ALS2: variants seen among roughly 807,000 people sequenced by gnomAD.
The protein encoded by ALS2 is alsin Rho guanine nucleotide exchange factor ALS2.
A neutral mutation model predicts 203.4 loss-of-function variants in ALS2; 117 were observed. That is an observed-to-expected ratio of 0.58 (90% CI 0.50 to 0.67). The LOEUF (loss-of-function observed/expected upper bound fraction) is 0.67. ALS2 is among the 30% of genes least tolerant of loss of function. The pLI is 0.00. For missense variants in ALS2, 1,715 were observed against 1,989.4 expected, an observed-to-expected ratio of 0.86 and a Z score of 2.62; for synonymous variants, 718 against 725.9, an observed-to-expected ratio of 0.99 and a Z score of 0.17.
chr2:201,727,018 C>T, intron 17 of ALS2, 152 bp from the exon 18 acceptor site: 1 of 878,068 alleles, frequency 1.1e-6, no homozygotes, highest in Non-Finnish European at 1.8e-6. Context: ...TTGTATTTCT[C>T]TGCTATATGT....
At chr2:201,750,540 G>C (rs1247126936) in intron 7 of ALS2, among the ~76,000 whole-genome samples, 1 of 152,100 alleles carries the variant, frequency 6.6e-6, no homozygotes, top group Non-Finnish European at 1.5e-5. Context: ...TTTCATACAT[G>C]AAGAGTTACT....
At chr2:201,744,871 A>C (rs999871725) in intron 9 of ALS2, among the ~76,000 whole-genome samples, 1 of 152,196 alleles carries the variant, frequency 6.6e-6, no homozygotes, top group African/African-American at 2.4e-5. Flanking sequence ...ACCAGGGAGG[A>C]TCTCTATGCT....
chr2:201,715,781 C>G lies in ALS2; in HGVS notation c.3895G>C (p.Glu1299Gln). The G allele has an allele frequency of 6.2e-7, 1 of 1,614,166 alleles. No individual in the cohort carries two copies. Among genetic ancestry groups the G allele is most frequent in the Non-Finnish European group, 8.5e-7 (1 of 1,180,018 alleles). Residue 1299 changes from glutamate (E) to glutamine (Q), a missense_variant, in exon 25 of 34, where the codon GAA becomes CAA. Transcript: ENST00000264276. ...TCACAGCCCAGTTGGCGCCAACATTCGTCAAACACCGCTTTCCACTTCTCA... is the reference window on the plus strand; with the variant it reads ...TCACAGCCCAGTTGGCGCCAACATTGGTCAAACACCGCTTTCCACTTCTCA... ...ADEKWKAVFD[E>Q]CWRQLGCEGP...
At chr2:201,746,823 A>G in intron 8 of ALS2, 75 bp from the exon 9 acceptor site, 1 of 1,542,948 alleles carries the variant, frequency 6.5e-7, no homozygotes, top group Non-Finnish European at 8.9e-7. Context: ...AGGAACTGAA[A>G]CGTTAGGTTG....
chr2:201,767,087 CATAATA>C, intron 3 of ALS2, 136 bp downstream of exon 3: 2 of 955,878 alleles, frequency 2.1e-6, no homozygotes, highest in Non-Finnish European at 3.1e-6. Context: ...AAACTTAAAG[CATAATA>C]ATAATAAAAT....
intron 3 of ALS2, among the ~76,000 whole-genome samples, chr2:201,762,500 G>T (rs543280576): frequency 6.6e-6 from 1 of 152,266 alleles, no homozygotes; most frequent in South Asian, 2.1e-4. Flanking sequence ...CCAGGTTTTG[G>T]AATATTTGCC....
At chr2:201,760,172 G>T in intron 4 of ALS2, 1 of 538,386 alleles carries the variant, frequency 1.9e-6, no homozygotes, top group Non-Finnish European at 2.4e-6. Context: ...AAATCAGCAG[G>T]TGTGGTGGCA....
At chr2:201,743,009 T>G (rs1319077923) in intron 10 of ALS2, among the ~76,000 whole-genome samples, 3 of 148,586 alleles carry the variant, frequency 2.0e-5, no homozygotes, top group Admixed American at 6.8e-5. Flanking sequence ...AGGTGAAGGT[T>G]GCAGTGAGCC....
chr2:201,701,650 C>A lies in ALS2; in HGVS notation c.*201G>T, dbSNP rs1427671368. The A allele has an allele frequency of 1.8e-6, 1 of 570,298 alleles. No homozygotes were observed. The highest frequency in any genetic ancestry group is 3.1e-6 in the Non-Finnish European group (1 of 317,568). 35.3% of individuals were successfully genotyped at this position (570,298 alleles called of 1,614,324 possible). Reference sequence around the variant, plus strand: ...TGGTCTAATCTGATTTTTTACCTCCCTTTCAATCCTCCCTTTAAACTATAC... The same window carrying A: ...TGGTCTAATCTGATTTTTTACCTCCATTTCAATCCTCCCTTTAAACTATAC... On this transcript the variant is annotated 3_prime_UTR_variant, in exon 34 of 34. Transcript: ENST00000264276.
chr2:201,767,486 A>T (rs1574800075), intron 2 of ALS2, 103 bp from the exon 3 acceptor site: 1 of 1,314,534 alleles, frequency 7.6e-7, no homozygotes, highest in East Asian at 2.5e-5. Context: ...CACATGGATG[A>T]CTAGGTCAGA....
At chr2:201,766,595 G>A (rs981738232) in intron 3 of ALS2, among the ~76,000 whole-genome samples, 2 of 151,406 alleles carry the variant, frequency 1.3e-5, no homozygotes, top group Non-Finnish European at 2.9e-5. Context: ...GTTGTGGTGA[G>A]CTGAGATTGC....
chr2:201,752,746 T>C (rs1280147581), intron 7 of ALS2, among the ~76,000 whole-genome samples: 1 of 152,208 alleles, frequency 6.6e-6, no homozygotes, highest in African/African-American at 2.4e-5. Context: ...GAGGTCACTT[T>C]CAGGTCCCAC....
chr2:201,713,700 G>C (rs1414941346), intron 25 of ALS2, among the ~76,000 whole-genome samples: 2 of 151,978 alleles, frequency 1.3e-5, no homozygotes, highest in African/African-American at 4.8e-5. Flanking sequence ...TGATACATTT[G>C]TTCTAATATT....
chr2:201,722,913 A>C, intron 23 of ALS2, 130 bp downstream of exon 23: 1 of 723,190 alleles, frequency 1.4e-6, no homozygotes, highest in Non-Finnish European at 2.3e-6. Context: ...AGCCATGTTG[A>C]CCAAAAATCA....
rs1231454213 is a variant in ALS2 at position 201,727,843 on chromosome 2, C to A, written c.2842-68G>T. The A allele has an allele frequency of 7.1e-6, 10 of 1,406,042 alleles. No individual in the cohort carries two copies. In the Admixed American group the frequency reaches 2.0e-4, roughly 28 times the overall value. The allele number at this position is 1,406,042 out of a possible 1,614,324, so 87.1% of individuals were successfully genotyped here. On this transcript the variant is annotated intron_variant, in intron 15 of 33. Transcript: ENST00000264276. ...AGACCTCGGGGACTCTGCCCATATC[C>A]CCTTCATGTCATTAACCCACATGGG... is the stretch of plus-strand genomic sequence containing the variant.
rs776802187 is a variant in ALS2 at position 201,711,073 on chromosome 2, A to C, written c.4040T>G (p.Leu1347Arg). The change falls in exon 26 of 34, where the codon CTA (leucine) becomes CGA (arginine). Residue 1347 changes from leucine to arginine, a missense_variant. Physicochemically the swap from Leu to Arg is moderately radical, Grantham distance 102. This residue lies in a region of ALS2 where 1,227 missense variants were observed against 1,413.5 expected (regional missense o/e 0.87). Transcript: ENST00000264276. The stretch of plus-strand genomic sequence containing the variant: ...CTGTGGAATGAATTCCAAACTCTCT[A>C]GTGTCTGAGTCTGTGAACGACTCAG... ...EILSRSQTQT[L>R]ESLEFIPQHV... is the part of the protein sequence containing the mutation. The C allele has an allele frequency of 6.2e-7, 1 of 1,611,866 alleles. No individual in the cohort carries two copies. Among genetic ancestry groups the C allele is most frequent in the South Asian group, 1.1e-5 (1 of 91,028 alleles).
chr2:201,727,911 C>T, intron 15 of ALS2, 136 bp from the exon 16 acceptor site: 1 of 863,042 alleles, frequency 1.2e-6, no homozygotes, highest in Non-Finnish European at 1.9e-6. Flanking sequence ...TAGTTAAGCC[C>T]ATGTAGGTGC....
intron 1 of ALS2, 109 bp from the exon 2 acceptor site, chr2:201,769,054 T>C: frequency 1.7e-6 from 1 of 576,092 alleles, no homozygotes; most frequent in Non-Finnish European, 3.0e-6. Flanking sequence ...AGGAAATAAA[T>C]ATGCAGTAAA....
At chr2:201,707,433 A>AT (rs1181057549) in intron 28 of ALS2, among the ~76,000 whole-genome samples, 131 of 142,676 alleles carry the variant, frequency 9.2e-4, no homozygotes, top group Admixed American at 1.6e-3. Flanking sequence ...ACCCAGCTAC[A>AT]TTTTTTTTTT....
Sources: gnomAD v4.1 joint callset for allele counts (sites outside exome capture counted in the v4.1 genomes callset) on GRCh38, gnomAD v4.1.1 for gene constraint, gnomAD v4.1.1 regional missense constraint, MANE v1.5 for transcripts, NCBI Gene and HGNC (gene_info 2026-07-23, HGNC 2026-07-21) for gene names.